Variants in PLCH2 observed in about 807,000 individuals in gnomAD.
PLCH2 encodes the protein 1-phosphatidylinositol 4,5-bisphosphate phosphodiesterase eta-2.
In PLCH2, 98 loss-of-function variants were observed where a neutral mutation model predicts 134.7. The observed-to-expected ratio is 0.73, with a 90% CI of 0.62 to 0.86. The LOEUF is 0.86. Ranked by LOEUF, PLCH2 falls within the 40% of genes least tolerant of loss-of-function variation. The probability of loss-of-function intolerance (pLI) is 0.00; values close to 1 mark genes in which losing one functional copy is unlikely to be tolerated. For synonymous variants in PLCH2, 974 were observed against 827.5 expected (o/e 1.18, Z -3.04); for missense variants, 1,994 against 1,986.6 (o/e 1.00, Z -0.07).
At chr1:2,501,065 A>G (rs1643199103) in intron 20 of PLCH2, 1 of 151,880 alleles carries the variant, frequency 6.6e-6, no homozygotes. Context: ...TCCGAGCCAG[A>G]ATCCCGGATC....
At chr1:2,446,885 C>T (rs1287394014) in intron 2 of PLCH2, among the ~76,000 whole-genome samples, 1 of 152,234 alleles carries the variant, frequency 6.6e-6, no homozygotes, top group Non-Finnish European at 1.5e-5. Flanking sequence ...CCTCCTGCCC[C>T]TGCAGCCCCG....
In PLCH2 at chr1:2,484,596, G is replaced by A. The variant is rs1349637784; in HGVS notation, c.794G>A (p.Arg265His). ...KDHLDAASLQ[R>H]FLQVEQKMAG... is the part of the protein sequence containing the mutation. ...CACCTGGATGCCGCCAGCCTGCAGC[G>A]CTTCCTGCAGGTGGAGCAGAAGGTG... Residue 265 changes from arginine to histidine, a missense_variant, in exon 5 of 22, where the codon CGC becomes CAC. By Grantham distance (29) the Arg-to-His change is conservative. This residue lies in a region of PLCH2 where 1,094 missense variants were observed against 1,234.3 expected (regional missense o/e 0.89). Transcript: ENST00000378486. The A allele has an allele frequency of 2.5e-6, 4 of 1,612,190 alleles. No individual in the cohort carries two copies. The highest frequency in any genetic ancestry group is 2.2e-5 in the East Asian group (1 of 44,900).
intron 11 of PLCH2, 43 bp downstream of exon 11, chr1:2,491,378 C>G (rs1197291621): frequency 1.3e-6 from 2 of 1,592,168 alleles, no homozygotes; most frequent in African/African-American, 1.3e-5. Flanking sequence ...GACAGGCCCC[C>G]CCGACAGCCA....
intron 2 of PLCH2, among the ~76,000 whole-genome samples, chr1:2,437,957 C>T (rs1386015393): frequency 2.0e-5 from 3 of 152,228 alleles, no homozygotes; most frequent in South Asian, 4.1e-4. Context: ...ACGATCTGGC[C>T]CTTGCCTGCC....
chr1:2,427,564 G>A (rs574964144), intron 1 of PLCH2, among the ~76,000 whole-genome samples: 44 of 152,310 alleles, frequency 2.9e-4, no homozygotes, highest in Admixed American at 2.7e-3. Flanking sequence ...CTGCCCTCAG[G>A]GGGCTTCCTG....
chr1:2,494,949 G>A lies in PLCH2; in HGVS notation c.1752+1G>A. The A allele has an allele frequency of 6.3e-7, 1 of 1,581,390 alleles. No homozygotes were observed. Among genetic ancestry groups the A allele is most frequent in the Non-Finnish European group, 8.6e-7 (1 of 1,166,660 alleles). On this transcript the variant is annotated splice_donor_variant, in intron 12 of 21. Coordinates refer to ENST00000378486, the MANE Select transcript of PLCH2 (RefSeq NM_014638.4). LOFTEE classifies it high-confidence loss of function. Reference sequence around the variant, plus strand: ...CGTGGGAAGCTTCTCCAGGCGCAAGGTCCGGCGCAGCTCCCAGGCCAGGGT... The same window carrying A: ...CGTGGGAAGCTTCTCCAGGCGCAAGATCCGGCGCAGCTCCCAGGCCAGGGT...
At chr1:2,459,470 T>TTGCCGGTGG (rs1332245851) in intron 2 of PLCH2, among the ~76,000 whole-genome samples, 4 of 54,452 alleles carry the variant, frequency 7.3e-5, no homozygotes, top group African/African-American at 6.6e-5. Context: ...GTGGTTCTCC[T>TTGCCGGTGG]TCCTGGTGGT....
Position 2,479,724 on chromosome 1 carries a change from C to G in PLCH2, c.272-10C>G. ...GGGGACCTGACCCGTGCTCCCTCCC[C>G]ACCCCGCAGTCTCCATCGACTCCAT... On this transcript the variant is annotated splice_polypyrimidine_tract_variant and intron_variant, in intron 2 of 21. Coordinates refer to ENST00000378486, the MANE Select transcript of PLCH2 (RefSeq NM_014638.4). 6.5e-7 allele frequency: 1 copy of G among 1,529,430 alleles called. No homozygotes were observed. The allele number at this position is 1,529,430 out of a possible 1,614,324, so 94.7% of individuals were successfully genotyped here.
At position 2,504,636 on chromosome 1, in the gene PLCH2, C is replaced by T. The variant is rs370506841; in HGVS notation, c.3674C>T (p.Ala1225Val). Residue 1225 changes from alanine (A) to valine (V), a missense_variant, in exon 22 of 22, where the codon GCC becomes GTC. Around this residue, in one of 2 missense-constraint regions of PLCH2, gnomAD observed 900 missense variants for 752.3 expected, o/e 1.20. Transcript: ENST00000378486. ...IPDELQPRSL[A>V]PRMAGLPFRP... Reference sequence around the variant, plus strand: ...GACGAACTGCAGCCCAGGTCCCTGGCCCCAAGGATGGCTGGCCTCCCCTTC... The same window carrying T: ...GACGAACTGCAGCCCAGGTCCCTGGTCCCAAGGATGGCTGGCCTCCCCTTC... The T allele has an allele frequency of 1.9e-6, 3 of 1,612,712 alleles. No individual in the cohort carries two copies. Among genetic ancestry groups the T allele is most frequent in the Non-Finnish European group, 2.5e-6 (3 of 1,179,818 alleles).
At chr1:2,426,265 G>A (rs536645449) in intron 1 of PLCH2, among the ~76,000 whole-genome samples, 22 of 152,312 alleles carry the variant, frequency 1.4e-4, no homozygotes, top group African/African-American at 5.3e-4. Context: ...AGATTCTGAG[G>A]ACCCCAGGGT....
chr1:2,480,097 C>A (rs1282074590), intron 3 of PLCH2, 86 bp from the exon 4 acceptor site: 2 of 1,586,796 alleles, frequency 1.3e-6, no homozygotes, highest in Non-Finnish European at 1.7e-6. Context: ...AGGCTGGGGT[C>A]CCCTATTCCT....
upstream of PLCH2, among the ~76,000 whole-genome samples, chr1:2,476,035 C>G (rs980980062): frequency 4.6e-5 from 7 of 152,230 alleles, no homozygotes; most frequent in African/African-American, 1.7e-4. Flanking sequence ...CCACCCCACA[C>G]AGGGTCCTCG....
In PLCH2 at chr1:2,505,339, A is replaced by T; in HGVS notation, c.*126A>T. Reference sequence around the variant, plus strand: ...CCCCTGGCTGCCCTGTGTCCCCTCCACCCCTGCCTCCCTCCTGCCCCTGCT... The same window carrying T: ...CCCCTGGCTGCCCTGTGTCCCCTCCTCCCCTGCCTCCCTCCTGCCCCTGCT... On this transcript the variant is annotated 3_prime_UTR_variant, in exon 22 of 22. Transcript: ENST00000378486. 1.5e-6 allele frequency: 1 copy of T among 674,502 alleles called. No individual in the cohort carries two copies. Among genetic ancestry groups the T allele is most frequent in the Non-Finnish European group, 2.4e-6 (1 of 413,052 alleles). The allele number at this position is 674,502 out of a possible 1,614,324, so 41.8% of individuals were successfully genotyped here.
intron 2 of PLCH2, among the ~76,000 whole-genome samples, chr1:2,433,200 GC>G (rs1210577764): frequency 6.6e-6 from 1 of 152,210 alleles, no homozygotes; most frequent in African/African-American, 2.4e-5. Context: ...CCCGGCCCCC[GC>G]TGTGTACGTG....
Position 2,504,838 on chromosome 1 carries a change from A to C in PLCH2, c.3876A>C (p.Pro1292=). Residue 1292 remains proline, a synonymous_variant, in exon 22 of 22, where the codon CCA becomes CCC. Coordinates refer to ENST00000378486, the MANE Select transcript of PLCH2 (RefSeq NM_014638.4). ...LPGGTRRVSG[P]GVRRDTLTEQ... is the part of the protein sequence containing the mutation. Reference sequence around the variant, plus strand: ...GAGGGACACGGCGGGTGTCGGGGCCAGGGGTGAGACGGGACACCCTGACAG... The same window carrying C: ...GAGGGACACGGCGGGTGTCGGGGCCCGGGGTGAGACGGGACACCCTGACAG... 1 of 1,607,012 alleles carries C rather than the reference A, an allele frequency of 6.2e-7. No homozygotes were observed. Among genetic ancestry groups the C allele is most frequent in the Non-Finnish European group, 8.5e-7 (1 of 1,177,518 alleles).
upstream of PLCH2, among the ~76,000 whole-genome samples, chr1:2,473,814 G>A (rs553509758): frequency 5.5e-4 from 84 of 152,330 alleles, no homozygotes; most frequent in Middle Eastern, 3.4e-3. Flanking sequence ...TCCTCTCCCC[G>A]ACGGAGCCTA....
At chr1:2,488,937 G>T (rs1642418786) in intron 8 of PLCH2, among the ~76,000 whole-genome samples, 1 of 152,018 alleles carries the variant, frequency 6.6e-6, no homozygotes, top group South Asian at 2.1e-4. Context: ...CATTGCCTTT[G>T]TTTTTTTTCT....
chr1:2,426,876 C>T (rs1334636250), intron 1 of PLCH2, among the ~76,000 whole-genome samples: 2 of 152,248 alleles, frequency 1.3e-5, no homozygotes, highest in Admixed American at 6.5e-5. Context: ...CTTGCTGGGG[C>T]CTGTGGCTTC....
rs188260051 is a variant in PLCH2 at position 2,458,984 on chromosome 1, G to A, written c.116-19492G>A. ...GCCTGGGCCACGCCGGTCTTGCAGC[G>A]TGGCTGCTCCTGGGCACTCTTGAGT... On this transcript the variant is annotated intron_variant, in intron 2 of 3. Coordinates refer to the PLCH2 transcript ENST00000609981. 2.3e-3 allele frequency among the ~76,000 whole-genome samples: 349 copies of A among 152,396 alleles called. 1 individual carries two copies. Among genetic ancestry groups the A allele is most frequent in the African/African-American group, 7.4e-3 (306 of 41,596 alleles).
Sources: allele counts gnomAD v4.1 joint callset (sites outside exome capture counted in the v4.1 genomes callset), GRCh38; gene constraint gnomAD v4.1.1; regional missense constraint gnomAD v4.1.1; transcripts MANE v1.5; gene names NCBI Gene and HGNC (gene_info 2026-07-23, HGNC 2026-07-21).